Variants in MSL3B observed in about 807,000 individuals in gnomAD.
The protein encoded by MSL3B is MSL complex subunit 3B, also known as MSL complex subunit 3 pseudogene 1.
At chr2:233,865,301 G>A in the MSL3B span, 1 of 152,118 alleles carries the variant, frequency 6.6e-6, no homozygotes, top group African/African-American at 2.4e-5. Flanking sequence ...TTTTCAGGGG[G>A]AGCCAGTTTA....
the MSL3B span, chr2:233,866,523 T>C: frequency 7.7e-3 from 9,154 of 1,186,264 alleles, 323 homozygotes; most frequent in East Asian, 0.092. Context: ...ACAGGTGTCT[T>C]CTTTTCCAGG....
At chr2:233,865,383 G>A in the MSL3B span, 1 of 151,958 alleles carries the variant, frequency 6.6e-6, no homozygotes, top group Non-Finnish European at 1.5e-5. Context: ...TGAATACGTA[G>A]CATTCTCTTA....
chr2:233,864,663 T>C, the MSL3B span, among the ~76,000 whole-genome samples: 189 of 152,238 alleles, frequency 1.2e-3, 4 homozygotes, highest in Non-Finnish European at 1.6e-4. Context: ...ATAGGTGAAG[T>C]TATTTTAAAA....
the MSL3B span, chr2:233,866,185 G>A: frequency 9.3e-6 from 6 of 643,978 alleles, no homozygotes; most frequent in African/African-American, 5.4e-5. Context: ...AGGCAGCGAC[G>A]TAAGCTGACT....
At chr2:233,865,197 C>T in the MSL3B span, among the ~76,000 whole-genome samples, 1 of 152,192 alleles carries the variant, frequency 6.6e-6, no homozygotes, top group Admixed American at 6.5e-5. Context: ...CTAAAATTTA[C>T]ATTAAAATGT....
At chr2:233,867,913 C>A in the MSL3B span, among the ~76,000 whole-genome samples, 1 of 151,320 alleles carries the variant, frequency 6.6e-6, no homozygotes, top group South Asian at 2.1e-4. Context: ...GCCTCAGCCT[C>A]ACAAATAGCT....
At chr2:233,865,223 T>C in the MSL3B span, among the ~76,000 whole-genome samples, 23 of 152,274 alleles carry the variant, frequency 1.5e-4, 1 homozygote, top group South Asian at 1.0e-3. Context: ...TAGTGTGCAA[T>C]AAATATGTGG....
At chr2:233,867,838 G>A in the MSL3B span, among the ~76,000 whole-genome samples, 2 of 135,788 alleles carry the variant, frequency 1.5e-5, no homozygotes, top group Admixed American at 7.6e-5. Flanking sequence ...TGCCGCCCAG[G>A]CTAGAGTGCA....
the MSL3B span, chr2:233,865,618 C>A: frequency 6.6e-6 from 1 of 152,536 alleles, no homozygotes; most frequent in Non-Finnish European, 1.5e-5. Context: ...CAAATTATAG[C>A]TGCAAATTTT....
At chr2:233,866,752 CAAACG>C in the MSL3B span, 7 of 803,144 alleles carry the variant, frequency 8.7e-6, no homozygotes, top group Admixed American at 6.8e-5. Context: ...ATGGATTCAA[CAAACG>C]TAAGCTGGGA....
chr2:233,866,971 G>C, the MSL3B span: 1 of 1,344,766 alleles, frequency 7.4e-7, no homozygotes, highest in Admixed American at 1.7e-5. Flanking sequence ...TATAAGGCAC[G>C]TTCATGCTGG....
chr2:233,866,349 T>C, the MSL3B span: 2 of 831,950 alleles, frequency 2.4e-6, no homozygotes, highest in African/African-American at 1.7e-5. Context: ...GCCCCGTAAA[T>C]GTAAGAGGGT....
the MSL3B span, chr2:233,867,408 C>G: frequency 1.9e-6 from 1 of 519,586 alleles, no homozygotes. Flanking sequence ...TTCTTTCTCT[C>G]TTGCTCCTCA....
At chr2:233,866,194 C>G in the MSL3B span, 3 of 654,236 alleles carry the variant, frequency 4.6e-6, no homozygotes, top group Non-Finnish European at 8.9e-6. Flanking sequence ...CGTAAGCTGA[C>G]TCTGGGAAGA....
the MSL3B span, chr2:233,866,606 T>C: frequency 1.2e-6 from 1 of 810,298 alleles, no homozygotes; most frequent in Non-Finnish European, 2.2e-6. Flanking sequence ...GGTGCTGCTC[T>C]TAGAAAGCCT....
chr2:233,867,794 T>G, the MSL3B span, among the ~76,000 whole-genome samples: 1 of 119,840 alleles, frequency 8.3e-6, no homozygotes, highest in African/African-American at 2.7e-5. Context: ...CTACGATTTT[T>G]TTTTTTTTTT....
chr2:233,866,577 A>T, the MSL3B span: 7 of 877,590 alleles, frequency 8.0e-6, no homozygotes, highest in African/African-American at 1.6e-5. Flanking sequence ...TCCTGCTGCC[A>T]GCGCTTGGGC....
the MSL3B span, chr2:233,866,757 G>A: frequency 2.5e-6 from 2 of 805,836 alleles, no homozygotes; most frequent in Non-Finnish European, 4.5e-6. Context: ...TTCAACAAAC[G>A]TAAGCTGGGA....
At chr2:233,866,681 C>T in the MSL3B span, 10 of 789,750 alleles carry the variant, frequency 1.3e-5, no homozygotes, top group South Asian at 2.7e-5. Flanking sequence ...CTCGGCTTTG[C>T]GCCTTTTAGG....
Sources: gnomAD v4.1 joint callset for allele counts (sites outside exome capture counted in the v4.1 genomes callset) on GRCh38, gnomAD v4.1.1 for gene constraint, MANE v1.5 for transcripts, NCBI Gene and HGNC (gene_info 2026-07-23, HGNC 2026-07-21) for gene names.